SI: variants seen among roughly 807,000 people sequenced by gnomAD.
SI encodes sucrase-isomaltase, intestinal.
Under a neutral mutation model 253.3 loss-of-function variants are expected in SI, and 235 were observed. The observed-to-expected ratio is 0.93, with a 90% CI of 0.83 to 1.03. SI has a LOEUF of 1.03. SI is among the 50% of genes least tolerant of loss of function. The pLI is 0.00. For synonymous variants in SI, 819 were observed against 712.0 expected (o/e 1.15, Z -2.39); for missense variants, 2,442 against 2,211.1 (o/e 1.10, Z -2.09).
rs1037372437 is a variant in SI, at chr3:165,065,243, A to C, written c.807+18T>G. The stretch of plus-strand genomic sequence containing the variant: ...CAATATAGTGATTTTATTTATAACA[A>C]GAAAAATAATTTCTTACATCACCAG... On this transcript the variant is annotated intron_variant, in intron 7 of 47. Transcript: ENST00000264382. 2 of 1,531,836 alleles carry C rather than the reference A, an allele frequency of 1.3e-6. No homozygotes were observed. The highest frequency in any genetic ancestry group is 2.7e-5 in the African/African-American group (2 of 73,222). 94.9% of individuals were successfully genotyped at this position (1,531,836 alleles called of 1,614,324 possible).
At chr3:165,057,442 T>C (rs1560011521) in intron 12 of SI, among the ~76,000 whole-genome samples, 1 of 151,672 alleles carries the variant, frequency 6.6e-6, no homozygotes, top group Non-Finnish European at 1.5e-5. Context: ...ACAGGAAACA[T>C]CCCAAACTTA....
At chr3:165,079,042 T>C (rs1420187138), upstream of SI, among the ~76,000 whole-genome samples, 1 of 151,578 alleles carries the variant, frequency 6.6e-6, no homozygotes, top group African/African-American at 2.4e-5. Flanking sequence ...AGAGATAAAA[T>C]CAACATTTTT....
At chr3:165,084,347 AGACT>A in the SI span, among the ~76,000 whole-genome samples, 6 of 152,090 alleles carry the variant, frequency 3.9e-5, no homozygotes, top group African/African-American at 1.4e-4. Context: ...AAACCCAGAC[AGACT>A]AAGATAGATG....
At chr3:165,019,467 T>G in intron 28 of SI, 135 bp downstream of exon 28, 1 of 825,884 alleles carries the variant, frequency 1.2e-6, no homozygotes, top group Non-Finnish European at 2.0e-6. Flanking sequence ...AGAAAATTGC[T>G]ATAGCTGCTC....
rs773362089 is a variant in SI, at chr3:165,017,835, T to C, written c.3559A>G (p.Thr1187Ala). ...TAAAAATCCAAGATCCCTCCAACTG[T>C]ACGGTAAGTTAGAGCAGGAGTTGGC... ...FQPTPALTYR[T>A]VGGILDFYMF... The change falls in exon 30 of 48, where the codon ACA becomes GCA. Residue 1187 changes from threonine to alanine, a missense_variant. Physicochemically the swap from Thr to Ala is moderately conservative, Grantham distance 58 (BLOSUM62 0). Coordinates refer to ENST00000264382, the MANE Select transcript of SI (RefSeq NM_001041.4). 4.3e-6 allele frequency: 7 copies of C among 1,612,978 alleles called. No homozygotes were observed. The highest frequency in any genetic ancestry group is 5.9e-6 in the Non-Finnish European group (7 of 1,179,362).
intron 35 of SI, 125 bp downstream of exon 35, chr3:165,009,154 G>T: frequency 1.5e-6 from 1 of 686,030 alleles, no homozygotes; most frequent in Admixed American, 2.3e-5. Flanking sequence ...AAGTTCTGTG[G>T]GGGAAAAAAG....
chr3:164,998,948 A>C (rs73018890), intron 37 of SI, among the ~76,000 whole-genome samples: 1 of 151,816 alleles, frequency 6.6e-6, no homozygotes, highest in African/African-American at 2.4e-5. Context: ...TAAATCAACT[A>C]TTAATTGAAT....
intron 15 of SI, among the ~76,000 whole-genome samples, chr3:165,048,011 C>T (rs548543310): frequency 4.6e-5 from 7 of 151,996 alleles, no homozygotes; most frequent in African/African-American, 1.4e-4. Flanking sequence ...TGAAACATAG[C>T]CTGTTTTTTC....
At chr3:164,983,703 C>T (rs746977487) in intron 45 of SI, among the ~76,000 whole-genome samples, 5 of 152,066 alleles carry the variant, frequency 3.3e-5, no homozygotes, top group Non-Finnish European at 2.9e-5. Flanking sequence ...AATCCTCCCA[C>T]CTCAGCCTCC....
intron 3 of SI, among the ~76,000 whole-genome samples, chr3:165,069,580 G>A (rs748218605): frequency 4.3e-4 from 65 of 151,984 alleles, no homozygotes; most frequent in Non-Finnish European, 8.8e-4. Flanking sequence ...ATTTAAACTA[G>A]GAGGATGAAA....
intron 7 of SI, among the ~76,000 whole-genome samples, chr3:165,064,541 A>T (rs1306781429): frequency 6.6e-6 from 1 of 152,156 alleles, no homozygotes; most frequent in African/African-American, 2.4e-5. Context: ...ACCCAAATCC[A>T]TCATGAATCA....
At chr3:165,015,884 C>A in intron 32 of SI, 68 bp downstream of exon 32, 3 of 1,354,140 alleles carry the variant, frequency 2.2e-6, no homozygotes, top group Non-Finnish European at 3.2e-6. Flanking sequence ...ATCTTCCCCC[C>A]CACCTGCTCA....
At chr3:165,060,838 C>A in intron 9 of SI, among the ~76,000 whole-genome samples, 1 of 142,492 alleles carries the variant, frequency 7.0e-6, no homozygotes, top group Admixed American at 7.2e-5. Context: ...TATATATATA[C>A]ATATATATCT....
intron 37 of SI, among the ~76,000 whole-genome samples, chr3:165,005,680 C>T (rs1380100304): frequency 2.0e-5 from 3 of 152,122 alleles, no homozygotes; most frequent in Non-Finnish European, 4.4e-5. Flanking sequence ...ACACTAGACA[C>T]ATTGTTCCAT....
At chr3:165,024,750 A>T (rs1711813921) in intron 25 of SI, among the ~76,000 whole-genome samples, 1 of 151,194 alleles carries the variant, frequency 6.6e-6, no homozygotes. Flanking sequence ...TTTAGAGTAA[A>T]TGTCACTTCA....
intron 44 of SI, 66 bp from the exon 45 acceptor site, chr3:164,987,292 A>T: frequency 7.7e-7 from 1 of 1,296,504 alleles, no homozygotes. Context: ...TTATGATATG[A>T]CATCCACATA....
At chr3:165,011,835 T>C (rs888891359) in intron 34 of SI, among the ~76,000 whole-genome samples, 1 of 150,938 alleles carries the variant, frequency 6.6e-6, no homozygotes, top group Non-Finnish European at 1.5e-5. Flanking sequence ...CAACAAAGTC[T>C]TCAAACAGCA....
chr3:165,072,902 T>C (rs944320132), intron 3 of SI, among the ~76,000 whole-genome samples: 10 of 152,166 alleles, frequency 6.6e-5, no homozygotes, highest in African/African-American at 2.4e-4. Flanking sequence ...TCTTTTGAGA[T>C]ATACTAAGTT....
intron 25 of SI, among the ~76,000 whole-genome samples, chr3:165,028,525 C>T (rs1254825435): frequency 1.3e-5 from 2 of 151,486 alleles, no homozygotes; most frequent in African/African-American, 4.8e-5. Context: ...CATCATATTA[C>T]TTAATTTCAA....
Sources: gnomAD v4.1 joint callset for allele counts (sites outside exome capture counted in the v4.1 genomes callset) on GRCh38, gnomAD v4.1.1 for gene constraint, MANE v1.5 for transcripts, NCBI Gene and HGNC (gene_info 2026-07-23, HGNC 2026-07-21) for gene names.